IL1RAPL1: variants seen among roughly 807,000 people sequenced by gnomAD.
IL1RAPL1 encodes the protein interleukin-1 receptor accessory protein-like 1.
In IL1RAPL1, 3 loss-of-function variants were observed where a neutral mutation model predicts 48.4. The observed-to-expected ratio is 0.06, with a 90% CI of 0.03 to 0.16. The LOEUF (loss-of-function observed/expected upper bound fraction) is 0.16. Ranked by LOEUF, IL1RAPL1 falls within the 10% of genes least tolerant of loss-of-function variation. IL1RAPL1 has a pLI of 1.00. For synonymous variants in IL1RAPL1, 185 were observed against 187.7 expected (o/e 0.99, Z 0.12); for missense variants, 349 against 530.6 (o/e 0.66, Z 3.36).
intron 6 of IL1RAPL1, among the ~76,000 whole-genome samples, chrX:29,789,381 C>G (rs917044726): frequency 9.0e-6 from 1 of 111,561 alleles, no homozygotes; most frequent in Non-Finnish European, 1.9e-5. Context: ...TCCCCTTAAG[C>G]TATGGGCAAA....
chrX:28,979,583 T>C (rs905915223), intron 2 of IL1RAPL1, among the ~76,000 whole-genome samples: 1 of 111,888 alleles, frequency 8.9e-6, no homozygotes, highest in African/African-American at 3.2e-5. Flanking sequence ...CCATGGAGAA[T>C]ACCTTTTTGC....
At chrX:28,775,373 C>T (rs1029145482) in intron 1 of IL1RAPL1, among the ~76,000 whole-genome samples, 2 of 112,038 alleles carry the variant, frequency 1.8e-5, no homozygotes, top group Admixed American at 9.5e-5. Flanking sequence ...CTTGTAGCTA[C>T]ATCACTTCAA....
chrX:29,123,004 GTTTTATTT>G (rs1928826293), intron 2 of IL1RAPL1, among the ~76,000 whole-genome samples: 1 of 83,761 alleles, frequency 1.2e-5, no homozygotes, highest in Non-Finnish European at 2.2e-5. Flanking sequence ...AGAATAGCAC[GTTTTATTT>G]ATTTATTTAT....
chrX:29,896,831 C>T lies in IL1RAPL1; in HGVS notation c.779-20633C>T, dbSNP rs998008282. 3.6e-5 allele frequency among the ~76,000 whole-genome samples: 4 copies of T among 112,371 alleles called. 1 individual carries two copies. Among genetic ancestry groups the T allele is most frequent in the African/African-American group, 1.3e-4 (4 of 30,746 alleles). On this transcript the variant is annotated intron_variant, in intron 6 of 10. Transcript: ENST00000378993. ...TCAATGAGGCAAGTCAGCATACCAG[C>T]AGCAGTATGCATGTGTGCACACACA...
chrX:29,813,673 G>A (rs1164816148), intron 6 of IL1RAPL1, among the ~76,000 whole-genome samples: 1 of 111,117 alleles, frequency 9.0e-6, no homozygotes, highest in Non-Finnish European at 1.9e-5. Flanking sequence ...TTTGGGGTAT[G>A]ATTGAACCCA....
chrX:29,792,597 G>A (rs1033787743), intron 6 of IL1RAPL1, among the ~76,000 whole-genome samples: 3 of 111,486 alleles, frequency 2.7e-5, no homozygotes, highest in African/African-American at 9.8e-5. Context: ...AAGAGCAAAC[G>A]TCAGAATACC....
Position 29,741,030 on chromosome X carries a change from G to C in IL1RAPL1, c.778+72526G>C, listed in dbSNP as rs151320267. The stretch of plus-strand genomic sequence containing the variant: ...ATTTCTGTGGCTCTTTTAAGGAAAA[G>C]AAATATACAAAAATAGTCTAAAGGA... On this transcript the variant is annotated intron_variant, in intron 6 of 10. Coordinates refer to ENST00000378993, the MANE Select transcript of IL1RAPL1 (RefSeq NM_014271.4). 8.4e-3 allele frequency among the ~76,000 whole-genome samples: 943 copies of C among 111,815 alleles called. 8 individuals carry two copies. The highest frequency in any genetic ancestry group is 0.029 in the African/African-American group (896 of 30,781).
chrX:29,392,289 C>T (rs919555822), intron 3 of IL1RAPL1, among the ~76,000 whole-genome samples: 29 of 112,299 alleles, frequency 2.6e-4, no homozygotes, highest in Admixed American at 2.5e-3. Flanking sequence ...GGAGCATTCT[C>T]TTTACCCCAT....
intron 1 of IL1RAPL1, among the ~76,000 whole-genome samples, chrX:28,612,777 G>A (rs1458813016): frequency 3.6e-5 from 4 of 111,847 alleles, no homozygotes; most frequent in Non-Finnish European, 7.5e-5. Flanking sequence ...GTAGAGAATG[G>A]CTATAAAAGA....
intron 2 of IL1RAPL1, among the ~76,000 whole-genome samples, chrX:28,834,244 G>T (rs1466379200): frequency 9.2e-6 from 1 of 109,130 alleles, no homozygotes; most frequent in Non-Finnish European, 1.9e-5. Context: ...CATATAAATG[G>T]AATTATACCG....
intron 2 of IL1RAPL1, among the ~76,000 whole-genome samples, chrX:29,273,216 T>G (rs1178000542): frequency 8.9e-6 from 1 of 112,271 alleles, no homozygotes; most frequent in African/African-American, 3.2e-5. Context: ...GTCTGGCTCT[T>G]TCAGTTGCCA....
At chrX:28,867,750 T>A (rs1383330153) in intron 2 of IL1RAPL1, among the ~76,000 whole-genome samples, 1 of 111,545 alleles carries the variant, frequency 9.0e-6, no homozygotes, top group African/African-American at 3.3e-5. Flanking sequence ...TTGGGTTTTT[T>A]TTCAGGTGAG....
chrX:29,105,878 C>T (rs919017411), intron 2 of IL1RAPL1, among the ~76,000 whole-genome samples: 4 of 111,775 alleles, frequency 3.6e-5, no homozygotes, highest in Non-Finnish European at 7.5e-5. Flanking sequence ...GGGGATCTTT[C>T]ACTTTCCACA....
intron 5 of IL1RAPL1, among the ~76,000 whole-genome samples, chrX:29,586,681 C>T: frequency 9.0e-6 from 1 of 111,001 alleles, no homozygotes; most frequent in Middle Eastern, 4.8e-3. Flanking sequence ...ACACGGATAT[C>T]TATTTGTTTG....
intron 2 of IL1RAPL1, among the ~76,000 whole-genome samples, chrX:29,002,052 T>C: frequency 2.7e-5 from 3 of 109,379 alleles, no homozygotes; most frequent in Non-Finnish European, 5.7e-5. Context: ...CATGCCACTA[T>C]GTCCGGCTAA....
At chrX:29,427,764 G>A (rs1320923145) in intron 5 of IL1RAPL1, among the ~76,000 whole-genome samples, 3 of 111,562 alleles carry the variant, frequency 2.7e-5, no homozygotes, top group Admixed American at 9.5e-5. Context: ...TGACTCCTGA[G>A]CAGTAAGTAA....
chrX:29,454,733 A>G lies in IL1RAPL1; in HGVS notation c.703+55425A>G, dbSNP rs189988339. ...TGGGGAATAAAATAATACAATAAACATGACTACACCACCAATGAGAGATGC... is the reference window on the plus strand; with the variant it reads ...TGGGGAATAAAATAATACAATAAACGTGACTACACCACCAATGAGAGATGC... On this transcript the variant is annotated intron_variant, in intron 5 of 10. Transcript: ENST00000378993. Among the ~76,000 whole-genome samples, 620 of 110,828 alleles carry G rather than the reference A, an allele frequency of 5.6e-3. 9 individuals are homozygous for G. The highest frequency in any genetic ancestry group is 0.02 in the African/African-American group (598 of 30,561).
At chrX:28,594,300 C>T (rs1933932526) in intron 1 of IL1RAPL1, among the ~76,000 whole-genome samples, 1 of 111,864 alleles carries the variant, frequency 8.9e-6, no homozygotes, top group African/African-American at 3.2e-5. Flanking sequence ...TGAGGATGTA[C>T]ATTTAGAGTT....
chrX:29,334,856 T>G (rs1325707194), intron 3 of IL1RAPL1, among the ~76,000 whole-genome samples: 2 of 112,811 alleles, frequency 1.8e-5, no homozygotes, highest in Admixed American at 9.2e-5. Context: ...GAGACGCTCC[T>G]CACTTCCCAG....
Sources: allele counts gnomAD v4.1 joint callset (sites outside exome capture counted in the v4.1 genomes callset), GRCh38; gene constraint gnomAD v4.1.1; transcripts MANE v1.5; gene names NCBI Gene and HGNC (gene_info 2026-07-23, HGNC 2026-07-21).